The following JHY variants were observed in gnomAD, a reference collection of about 807,000 sequenced individuals.
JHY encodes jhy protein homolog.
Under a neutral mutation model 78.0 loss-of-function variants are expected in JHY, and 69 were observed. The ratio of observed to expected loss-of-function variants is 0.88; its 90% CI spans 0.73 to 1.08. The LOEUF is 1.08. Among genes scored for constraint, JHY ranks in the 50% least tolerant of loss-of-function variants. JHY has a pLI of 0.00. For synonymous variants in JHY, 368 were observed against 342.6 expected (o/e 1.07, Z -0.82); for missense variants, 944 against 927.8 (o/e 1.02, Z -0.23).
chr11:122,938,924 GA>G, intron 5 of JHY, among the ~76,000 whole-genome samples: 1 of 151,866 alleles, frequency 6.6e-6, no homozygotes, highest in South Asian at 2.1e-4. Flanking sequence ...CGGAGAGAGG[GA>G]AGGGACAGTT....
chr11:122,957,536 A>G (rs754732725), intron 8 of JHY, 45 bp downstream of exon 8: 2 of 1,480,060 alleles, frequency 1.4e-6, no homozygotes, highest in South Asian at 2.7e-5. Flanking sequence ...AGCAGAATTA[A>G]AAGGAAACTT....
At chr11:122,952,219 G>C (rs193169995) in intron 6 of JHY, among the ~76,000 whole-genome samples, 1 of 152,164 alleles carries the variant, frequency 6.6e-6, no homozygotes, top group African/African-American at 2.4e-5. Flanking sequence ...TCTAAAATTG[G>C]AATGTGGTGA....
intron 3 of JHY, among the ~76,000 whole-genome samples, chr11:122,921,041 A>AAAG (rs1863353798): frequency 6.6e-6 from 1 of 152,144 alleles, no homozygotes; most frequent in East Asian, 1.9e-4. Context: ...TTCACAAAAA[A>AAAG]AAAAAAATAG....
chr11:122,903,080 C>T (rs1232278456), intron 2 of JHY, among the ~76,000 whole-genome samples: 1 of 152,226 alleles, frequency 6.6e-6, no homozygotes, highest in Admixed American at 6.5e-5. Flanking sequence ...CTATGATATT[C>T]CAAGGGCTAC....
At chr11:122,891,709 A>T (rs1316938355) in intron 2 of JHY, among the ~76,000 whole-genome samples, 5 of 152,164 alleles carry the variant, frequency 3.3e-5, no homozygotes, top group African/African-American at 1.2e-4. Context: ...TTATCCTTAC[A>T]GGAGCCTCTT....
At chr11:122,941,898 G>A (rs973364879) in intron 5 of JHY, among the ~76,000 whole-genome samples, 1 of 152,004 alleles carries the variant, frequency 6.6e-6, no homozygotes, top group Non-Finnish European at 1.5e-5. Flanking sequence ...TTTAGACAGA[G>A]TCTTGCTCTG....
intron 5 of JHY, among the ~76,000 whole-genome samples, chr11:122,939,572 A>G (rs1162206876): frequency 1.3e-5 from 2 of 152,202 alleles, no homozygotes; most frequent in South Asian, 2.1e-4. Context: ...ATCTCTTTAT[A>G]TATAATTTTG....
At chr11:122,957,894 A>G (rs1864226951) in intron 8 of JHY, among the ~76,000 whole-genome samples, 1 of 152,030 alleles carries the variant, frequency 6.6e-6, no homozygotes, top group Admixed American at 6.6e-5. Flanking sequence ...TCTTCCAGGA[A>G]TAGTATTTTA....
intron 6 of JHY, among the ~76,000 whole-genome samples, chr11:122,949,191 CT>C (rs76541048): frequency 0.02 from 3,112 of 152,188 alleles, 77 homozygotes; most frequent in South Asian, 0.11. Flanking sequence ...ATTTCAGGTC[CT>C]TGTGACTAAA....
chr11:122,913,313 A>G (rs1158076616), intron 3 of JHY, among the ~76,000 whole-genome samples: 1 of 152,218 alleles, frequency 6.6e-6, no homozygotes, highest in African/African-American at 2.4e-5. Flanking sequence ...TTTACACTTT[A>G]AAATAAGGAA....
intron 4 of JHY, among the ~76,000 whole-genome samples, chr11:122,929,645 C>T (rs563701587): frequency 6.6e-6 from 1 of 152,162 alleles, no homozygotes; most frequent in Non-Finnish European, 1.5e-5. Flanking sequence ...AGGGACATTA[C>T]ACATGCAACT....
At chr11:122,915,038 G>T (rs542550115) in intron 3 of JHY, among the ~76,000 whole-genome samples, 2 of 151,592 alleles carry the variant, frequency 1.3e-5, no homozygotes, top group Non-Finnish European at 2.9e-5. Flanking sequence ...TATTGAAGAG[G>T]GATCCATAAG....
rs939427003 is a variant in JHY at position 122,961,959 on chromosome 11, T to C, written c.*2514T>C. Reference sequence around the variant, plus strand: ...TCTGAGAGACACACTTTATCAAAGCTCCTTACTCCAAGTACATAAATTTGC... The same window carrying C: ...TCTGAGAGACACACTTTATCAAAGCCCCTTACTCCAAGTACATAAATTTGC... On this transcript the variant is annotated 3_prime_UTR_variant, in exon 9 of 9. Coordinates refer to ENST00000227349, the MANE Select transcript of JHY (RefSeq NM_024806.4). Among the ~76,000 whole-genome samples, 16 of 152,192 alleles carry C rather than the reference T, an allele frequency of 1.1e-4. No homozygotes were observed. The highest frequency in any genetic ancestry group is 9.8e-4 in the Admixed American group (15 of 15,278).
At chr11:122,901,232 G>C (rs1457794726) in intron 2 of JHY, among the ~76,000 whole-genome samples, 1 of 152,112 alleles carries the variant, frequency 6.6e-6, no homozygotes, top group Admixed American at 6.5e-5. Flanking sequence ...TTTTTAAATG[G>C]TACACCTATA....
At chr11:122,946,172 G>A (rs1863954670) in intron 5 of JHY, among the ~76,000 whole-genome samples, 1 of 152,106 alleles carries the variant, frequency 6.6e-6, no homozygotes, top group Non-Finnish European at 1.5e-5. Context: ...ATTCAACTAT[G>A]TGTTTAAAGG....
intron 5 of JHY, among the ~76,000 whole-genome samples, chr11:122,936,014 G>T (rs903796526): frequency 1.3e-5 from 2 of 152,100 alleles, no homozygotes; most frequent in East Asian, 3.8e-4. Context: ...TGTCAATAGT[G>T]GTTATCTCTA....
At chr11:122,928,231 G>A (rs921922206) in intron 4 of JHY, among the ~76,000 whole-genome samples, 3 of 152,082 alleles carry the variant, frequency 2.0e-5, no homozygotes, top group Non-Finnish European at 4.4e-5. Context: ...AAGGAGGGAG[G>A]ACTGCTAGAG....
rs1279635755 is a variant in JHY, at chr11:122,962,968, G to T, written c.*3523G>T. 1.3e-5 allele frequency among the ~76,000 whole-genome samples: 2 copies of T among 149,986 alleles called. No homozygotes were observed. Among genetic ancestry groups the T allele is most frequent in the African/African-American group, 2.4e-5 (1 of 41,106 alleles). On this transcript the variant is annotated 3_prime_UTR_variant, in exon 9 of 9. Coordinates refer to ENST00000227349, the MANE Select transcript of JHY (RefSeq NM_024806.4). ...CTGTGTGGATGAGCAACATATAGTTGCTATGAATTTCTATTTTGGACCTGA... is the reference window on the plus strand; with the variant it reads ...CTGTGTGGATGAGCAACATATAGTTTCTATGAATTTCTATTTTGGACCTGA...
Position 122,957,486 on chromosome 11 carries a change from C to A in JHY, c.2134C>A (p.Gln712Lys). 1.3e-6 allele frequency: 2 copies of A among 1,517,816 alleles called. No individual in the cohort carries two copies. Among genetic ancestry groups the A allele is most frequent in the Admixed American group, 2.6e-5 (1 of 39,048 alleles). 94.0% of individuals were successfully genotyped at this position (1,517,816 alleles called of 1,614,324 possible). The change falls in exon 8 of 9, where the codon CAG becomes AAG. Residue 712 changes from glutamine to lysine, a missense_variant. Coordinates refer to ENST00000227349, the MANE Select transcript of JHY (RefSeq NM_024806.4). Reference protein sequence around the residue: ...KTQKKSAIPRQKALEYAKTIP... With the variant: ...KTQKKSAIPRKKALEYAKTIP... ...TCAAAAGAAATCTGCTATCCCTCGG[C>A]AGAAGGTAAGAAATTCTCAACAAGG...
Sources: allele counts gnomAD v4.1 joint callset (sites outside exome capture counted in the v4.1 genomes callset), GRCh38; gene constraint gnomAD v4.1.1; transcripts MANE v1.5; gene names NCBI Gene and HGNC (gene_info 2026-07-23, HGNC 2026-07-21).